Variants in RSF1 observed in about 807,000 individuals in gnomAD.
The protein encoded by RSF1 is HBV pX-associated protein 8.
A neutral mutation model predicts 145.2 loss-of-function variants in RSF1; 13 were observed. The observed-to-expected ratio is 0.09, with a 90% confidence interval of 0.06 to 0.14. The LOEUF is 0.14. Ranked by LOEUF, RSF1 falls within the 10% of genes least tolerant of loss-of-function variation. The pLI is 1.00. For synonymous variants in RSF1, 577 were observed against 592.6 expected, an observed-to-expected ratio of 0.97 and a Z score of 0.38; for missense variants, 1,517 against 1,718.2, an observed-to-expected ratio of 0.88 and a Z score of 2.07.
chr11:77,774,385 G>A (rs536042717), intron 1 of RSF1, among the ~76,000 whole-genome samples: 5 of 150,570 alleles, frequency 3.3e-5, no homozygotes, highest in East Asian at 2.0e-4. Flanking sequence ...GGCAGATCAC[G>A]AGGTCAGGAG....
the RSF1 span, chr11:77,870,041 C>T: frequency 5.5e-6 from 2 of 362,724 alleles, no homozygotes; most frequent in Non-Finnish European, 1.0e-5. Context: ...CTCAGAATCC[C>T]TCAAGTTCTA....
chr11:77,701,269 T>G lies in RSF1; in HGVS notation c.1960A>C (p.Ser654Arg). 3.1e-6 allele frequency: 5 copies of G among 1,614,176 alleles called. No individual in the cohort carries two copies. The highest frequency in any genetic ancestry group is 4.2e-6 in the Non-Finnish European group (5 of 1,180,014). The change falls in exon 6 of 16, where the codon AGT becomes CGT. Residue 654 changes from serine (S) to arginine (R), a missense_variant. Physicochemically the swap from Ser to Arg is moderately radical, Grantham distance 110 (BLOSUM62 -1). Around this residue, in one of 12 missense-constraint regions of RSF1, gnomAD observed 579 missense variants for 553.5 expected, o/e 1.05. Transcript: ENST00000308488. ...EKEVVECQST[S>R]TVGGQSVKKV... The stretch of plus-strand genomic sequence containing the variant: ...TTCACAGACTGGCCACCAACAGTAC[T>G]TGTACTCTGGCATTCTACCACTTCT...
chr11:77,691,389 C>T (rs1295540758), intron 8 of RSF1, 151 bp from the exon 9 acceptor site: 2 of 638,394 alleles, frequency 3.1e-6, no homozygotes, highest in East Asian at 5.5e-5. Flanking sequence ...TTTAATTAAA[C>T]ACACCTTTTG....
chr11:77,864,955 T>A, the RSF1 span, among the ~76,000 whole-genome samples: 4 of 152,150 alleles, frequency 2.6e-5, no homozygotes, highest in Admixed American at 6.6e-5. Context: ...CCAGCCTCAG[T>A]GACAGAGTGA....
intron 5 of RSF1, chr11:77,718,361 A>G (rs1960866323): frequency 6.6e-6 from 1 of 152,242 alleles, no homozygotes; most frequent in African/African-American, 2.4e-5. Flanking sequence ...TCTCTTAAGA[A>G]TATATAGCTG....
At chr11:77,714,609 A>G (rs1452177678) in intron 5 of RSF1, among the ~76,000 whole-genome samples, 1 of 152,222 alleles carries the variant, frequency 6.6e-6, no homozygotes, top group South Asian at 2.1e-4. Context: ...TGGGAGGCCG[A>G]GACAGGCAGA....
intron 8 of RSF1, among the ~76,000 whole-genome samples, chr11:77,692,672 C>G (rs1960184110): frequency 7.9e-6 from 1 of 126,002 alleles, no homozygotes; most frequent in Non-Finnish European, 1.6e-5. Flanking sequence ...TGCCACCATG[C>G]CTGGCGGTGT....
At chr11:77,786,073 T>C (rs74354114) in intron 1 of RSF1, among the ~76,000 whole-genome samples, 1,890 of 152,182 alleles carry the variant, frequency 0.012, 37 homozygotes, top group African/African-American at 0.042. Flanking sequence ...CTTAAAACTT[T>C]ATAGGAGGAT....
chr11:77,763,541 G>A (rs2135937457), intron 2 of RSF1: 1 of 152,244 alleles, frequency 6.6e-6, no homozygotes, highest in East Asian at 1.9e-4. Context: ...CAATTTCCTT[G>A]TGAGTAAAAT....
intron 5 of RSF1, among the ~76,000 whole-genome samples, chr11:77,713,034 G>A (rs1039740163): frequency 1.3e-5 from 2 of 152,138 alleles, no homozygotes; most frequent in African/African-American, 4.8e-5. Flanking sequence ...CCTCTTACAG[G>A]AGAATGACAT....
At chr11:77,676,165 A>C (rs910521838) in intron 13 of RSF1, among the ~76,000 whole-genome samples, 1 of 152,170 alleles carries the variant, frequency 6.6e-6, no homozygotes, top group East Asian at 1.9e-4. Flanking sequence ...TCATTCTTCA[A>C]ATTTCAGATC....
At chr11:77,684,278 A>T (rs1959946592) in intron 10 of RSF1, among the ~76,000 whole-genome samples, 1 of 152,222 alleles carries the variant, frequency 6.6e-6, no homozygotes, top group Non-Finnish European at 1.5e-5. Flanking sequence ...CAAAAATTAC[A>T]AATTATGTAA....
chr11:77,826,308 G>A, the RSF1 span, among the ~76,000 whole-genome samples: 9 of 151,876 alleles, frequency 5.9e-5, no homozygotes, highest in Middle Eastern at 6.8e-3. Context: ...GTTGCAGTGA[G>A]CCAAGATCAC....
chr11:77,810,484 GACT>G (rs1375084773), intron 1 of RSF1, among the ~76,000 whole-genome samples: 1 of 152,204 alleles, frequency 6.6e-6, no homozygotes, highest in Non-Finnish European at 1.5e-5. Context: ...ATACTGGGGA[GACT>G]ACTGTTCCAC....
At chr11:77,779,706 A>G (rs1948384264) in intron 1 of RSF1, among the ~76,000 whole-genome samples, 1 of 152,172 alleles carries the variant, frequency 6.6e-6, no homozygotes, top group South Asian at 2.1e-4. Context: ...CTGCTTAAAT[A>G]TACTATTGTC....
chr11:77,677,031 A>T, intron 12 of RSF1, 32 bp from the exon 13 acceptor site: 1 of 1,524,652 alleles, frequency 6.6e-7, no homozygotes, highest in Non-Finnish European at 9.1e-7. Context: ...TCGGGGAGAG[A>T]AAAATATGTG....
intron 9 of RSF1, among the ~76,000 whole-genome samples, chr11:77,689,333 T>C (rs182101194): frequency 2.0e-4 from 31 of 152,360 alleles, no homozygotes; most frequent in Admixed American, 2.0e-3. Context: ...CCACTTTCTA[T>C]AGAGAATAAG....
chr11:77,856,435 A>T, the RSF1 span, among the ~76,000 whole-genome samples: 1 of 152,116 alleles, frequency 6.6e-6, no homozygotes, highest in African/African-American at 2.4e-5. Context: ...ACCTAGTTCC[A>T]TAGCTGCTTC....
chr11:77,726,849 G>A (rs1026825102), intron 4 of RSF1, among the ~76,000 whole-genome samples: 7 of 152,082 alleles, frequency 4.6e-5, no homozygotes, highest in Non-Finnish European at 8.8e-5. Flanking sequence ...CTTTAGAGTA[G>A]GAACTCTGCA....
Sources: allele counts gnomAD v4.1 joint callset (sites outside exome capture counted in the v4.1 genomes callset), GRCh38; gene constraint gnomAD v4.1.1; regional missense constraint gnomAD v4.1.1; transcripts MANE v1.5; gene names NCBI Gene and HGNC (gene_info 2026-07-23, HGNC 2026-07-21).